Variants in GTSF1 observed in about 807,000 individuals in gnomAD.
GTSF1 encodes gametocyte specific factor 1.
In GTSF1, 11 loss-of-function variants were observed where a neutral mutation model predicts 28.9. The ratio of observed to expected loss-of-function variants is 0.38; its 90% CI spans 0.24 to 0.63. GTSF1 has a LOEUF of 0.63. Ranked by LOEUF, GTSF1 falls within the 30% of genes least tolerant of loss-of-function variation. The probability of loss-of-function intolerance (pLI) is 0.56; values close to 1 mark genes in which losing one functional copy is unlikely to be tolerated. For synonymous variants in GTSF1, 69 were observed against 65.6 expected (o/e 1.05, Z -0.25); for missense variants, 146 against 201.0 (o/e 0.73, Z 1.66).
intron 2 of GTSF1, among the ~76,000 whole-genome samples, chr12:54,466,604 T>C (rs999111296): frequency 6.6e-5 from 10 of 152,182 alleles, no homozygotes; most frequent in Non-Finnish European, 1.2e-4. Context: ...ATTTAATCCA[T>C]TCCCATCACT....
chr12:54,457,751 C>T (rs1956357599), intron 8 of GTSF1, among the ~76,000 whole-genome samples: 1 of 152,180 alleles, frequency 6.6e-6, no homozygotes, highest in Non-Finnish European at 1.5e-5. Flanking sequence ...CCACCATACT[C>T]AATGTATGCT....
At chr12:54,459,055 TG>T in intron 8 of GTSF1, 33 bp downstream of exon 8, 1 of 1,496,338 alleles carries the variant, frequency 6.7e-7, no homozygotes, top group Non-Finnish European at 9.2e-7. Context: ...TGCTACCATC[TG>T]AAGAGACAGT....
chr12:54,461,430 T>C (rs1363918824), intron 6 of GTSF1, among the ~76,000 whole-genome samples: 1 of 152,028 alleles, frequency 6.6e-6, no homozygotes, highest in Non-Finnish European at 1.5e-5. Context: ...AGCAACACTT[T>C]GGGAGGCAGA....
chr12:54,465,956 A>C (rs139208125), intron 2 of GTSF1, among the ~76,000 whole-genome samples: 1 of 152,368 alleles, frequency 6.6e-6, no homozygotes, highest in East Asian at 1.9e-4. Context: ...ATGTGAGAAC[A>C]AAACAGAGAA....
At chr12:54,457,117 C>G (rs1956344444) in intron 8 of GTSF1, among the ~76,000 whole-genome samples, 1 of 151,940 alleles carries the variant, frequency 6.6e-6, no homozygotes, top group African/African-American at 2.4e-5. Context: ...AAACAAAAAC[C>G]CAAAACTTCA....
intron 2 of GTSF1, chr12:54,466,816 C>CTTTTTTTT (rs11404162): frequency 1.7e-5 from 2 of 119,874 alleles, no homozygotes; most frequent in Admixed American, 1.0e-4. Context: ...ATTTAAAAAT[C>CTTTTTTTT]TTTTTTTTTT....
intron 1 of GTSF1, chr12:54,472,204 C>T (rs11170917): frequency 0.18 from 27,698 of 152,198 alleles, 2,711 homozygotes; most frequent in African/African-American, 0.24. Flanking sequence ...AGTATACACT[C>T]AACCCTTCCA....
At chr12:54,469,185 T>C (rs1956562336) in intron 2 of GTSF1, among the ~76,000 whole-genome samples, 1 of 152,052 alleles carries the variant, frequency 6.6e-6, no homozygotes, top group Non-Finnish European at 1.5e-5. Context: ...TCCAAGCAAT[T>C]CTCCTGCCTC....
intron 2 of GTSF1, among the ~76,000 whole-genome samples, chr12:54,467,300 CTG>C (rs1339696720): frequency 6.6e-6 from 1 of 151,042 alleles, no homozygotes; most frequent in Non-Finnish European, 1.5e-5. Flanking sequence ...ACAGAATTTC[CTG>C]TGTGTTTTTT....
intron 1 of GTSF1, chr12:54,472,419 T>G (rs745917448): frequency 2.0e-5 from 3 of 152,218 alleles, no homozygotes; most frequent in African/African-American, 4.8e-5. Context: ...ATGTTAGGAC[T>G]CAAGAACTGT....
chr12:54,467,644 CT>C (rs1956539788), intron 2 of GTSF1, among the ~76,000 whole-genome samples: 1 of 151,386 alleles, frequency 6.6e-6, no homozygotes, highest in Admixed American at 6.6e-5. Context: ...TTGCAATTTG[CT>C]TTTTTTTCTT....
At chr12:54,457,325 T>TA (rs1202160705) in intron 8 of GTSF1, among the ~76,000 whole-genome samples, 15 of 152,254 alleles carry the variant, frequency 9.9e-5, no homozygotes, top group Non-Finnish European at 2.1e-4. Flanking sequence ...ATTTTCATCT[T>TA]AGAGTAGCCA....
chr12:54,471,098 G>A (rs1394710884), intron 2 of GTSF1, 135 bp downstream of exon 2: 4 of 519,422 alleles, frequency 7.7e-6, no homozygotes, highest in Admixed American at 4.2e-5. Flanking sequence ...TCAAATTTGG[G>A]CAATACCATA....
In GTSF1 at chr12:54,466,398, T is replaced by A. The variant is rs144813929; in HGVS notation, c.17-1231A>T. Among the ~76,000 whole-genome samples, 447 of 152,284 alleles carry A rather than the reference T, an allele frequency of 2.9e-3. 3 individuals are homozygous for A. The highest frequency in any genetic ancestry group is 0.01 in the African/African-American group (428 of 41,566). ...GGAAGAGTGGTAAACATGGAATAAA[T>A]TGCCAACCATGATCGTGATGCAAAT... On this transcript the variant is annotated intron_variant, in intron 2 of 8. Transcript: ENST00000305879.
intron 2 of GTSF1, chr12:54,466,971 A>T (rs768149620): frequency 2.0e-5 from 3 of 152,072 alleles, no homozygotes; most frequent in Non-Finnish European, 4.4e-5. Context: ...TTTAACTGTG[A>T]TTAAAAACAC....
intron 1 of GTSF1, among the ~76,000 whole-genome samples, chr12:54,472,822 T>G (rs1956608067): frequency 6.6e-6 from 1 of 152,206 alleles, no homozygotes; most frequent in African/African-American, 2.4e-5. Context: ...CTTAAAAATA[T>G]TTTTCATATT....
intron 2 of GTSF1, among the ~76,000 whole-genome samples, chr12:54,468,278 C>T (rs1440453314): frequency 6.6e-6 from 1 of 151,888 alleles, no homozygotes; most frequent in Non-Finnish European, 1.5e-5. Flanking sequence ...TACAGGCACA[C>T]CTGTTTAATT....
chr12:54,470,836 C>T (rs564182729), intron 2 of GTSF1, among the ~76,000 whole-genome samples: 1 of 152,258 alleles, frequency 6.6e-6, no homozygotes, highest in Non-Finnish European at 1.5e-5. Context: ...ATTTCTTGGG[C>T]CATCTAAGGT....
At position 54,463,282 on chromosome 12, in the gene GTSF1, C is replaced by T; in HGVS notation, c.133G>A (p.Ala45Thr). 1 of 1,613,856 alleles carries T rather than the reference C, an allele frequency of 6.2e-7. No homozygotes were observed. Among genetic ancestry groups the T allele is most frequent in the African/African-American group, 1.3e-5 (1 of 75,034 alleles). ...IKCRKNHPDV[A>T]SKLATCPFNA... ...AAGGGACAAGTAGCCAATTTGCTTG[C>T]AACATCAGGATGATTCTGTGGAACC... The change falls in exon 4 of 9, where the codon GCA (alanine) becomes ACA (threonine). Residue 45 changes from alanine (A) to threonine (T), a missense_variant. Ala to Thr is a moderately conservative substitution (Grantham distance 58). Coordinates refer to ENST00000305879, the MANE Select transcript of GTSF1 (RefSeq NM_144594.3).
Sources: gnomAD v4.1 joint callset for allele counts (sites outside exome capture counted in the v4.1 genomes callset) on GRCh38, gnomAD v4.1.1 for gene constraint, MANE v1.5 for transcripts, NCBI Gene and HGNC (gene_info 2026-07-23, HGNC 2026-07-21) for gene names.